CNBD1: variants seen among roughly 807,000 people sequenced by gnomAD.
CNBD1 encodes the protein cyclic nucleotide binding domain containing 1, also known as cyclic nucleotide-binding domain-containing protein 1.
Under a neutral mutation model 54.4 loss-of-function variants are expected in CNBD1, and 71 were observed. The ratio of observed to expected loss-of-function variants is 1.30; its 90% confidence interval spans 1.08 to 1.59. CNBD1 has a LOEUF of 1.59. Ranked by LOEUF, CNBD1 falls within the 40% of genes most tolerant of loss-of-function variation. The pLI is 0.00. For synonymous variants in CNBD1, 182 were observed against 170.7 expected, an observed-to-expected ratio of 1.07 and a Z score of -0.51; for missense variants, 659 against 518.0, an observed-to-expected ratio of 1.27 and a Z score of -2.64.
chr8:87,362,753 C>A (rs979149074), intron 10 of CNBD1, among the ~76,000 whole-genome samples: 1 of 152,000 alleles, frequency 6.6e-6, no homozygotes, highest in Admixed American at 6.6e-5. Context: ...AATTTATATC[C>A]TTTTAGATAC....
intron 4 of CNBD1, among the ~76,000 whole-genome samples, chr8:86,958,340 A>C (rs575244385): frequency 6.6e-6 from 1 of 152,206 alleles, no homozygotes. Flanking sequence ...GTAGGTGTCT[A>C]TTAGGTCCTC....
intron 10 of CNBD1, among the ~76,000 whole-genome samples, chr8:87,365,294 G>A (rs1014989521): frequency 4.0e-5 from 6 of 151,838 alleles, no homozygotes; most frequent in South Asian, 2.1e-4. Context: ...CTTGTTGGCC[G>A]TGTGTATGCT....
In CNBD1 at chr8:87,182,613, G is replaced by A. The variant is rs528272050; in HGVS notation, c.432-23380G>A. On this transcript the variant is annotated intron_variant, in intron 4 of 10. Coordinates refer to ENST00000518476, the MANE Select transcript of CNBD1 (RefSeq NM_173538.3). The surrounding 1 kb of genome is among the most constrained non-coding windows in gnomAD (Gnocchi z 4.1). ...GACTGATACGAGATGGTATCTCATC[G>A]TGGTTTTGATTTGCATTTCTCTAAT... Among the ~76,000 whole-genome samples, 248 of 151,578 alleles carry A rather than the reference G, an allele frequency of 1.6e-3. No homozygotes were observed. The highest frequency in any genetic ancestry group is 2.7e-3 in the Non-Finnish European group (184 of 67,928).
chr8:87,368,045 G>A (rs28408168), intron 10 of CNBD1, among the ~76,000 whole-genome samples: 1,666 of 151,696 alleles, frequency 0.011, 39 homozygotes, highest in African/African-American at 0.038. Flanking sequence ...ACCTGTAGTC[G>A]CAGCTACTCA....
intron 5 of CNBD1, among the ~76,000 whole-genome samples, chr8:87,231,540 G>C (rs1189159700): frequency 6.6e-6 from 1 of 152,016 alleles, no homozygotes; most frequent in Non-Finnish European, 1.5e-5. Flanking sequence ...TGACTCATAG[G>C]GTTATAATAT....
chr8:87,232,897 T>A (rs1807473356), intron 5 of CNBD1, among the ~76,000 whole-genome samples: 1 of 152,132 alleles, frequency 6.6e-6, no homozygotes, highest in African/African-American at 2.4e-5. Flanking sequence ...TTTTCCGAAG[T>A]AATAGTATGT....
At position 87,148,184 on chromosome 8, in the gene CNBD1, G is replaced by A. The variant is rs756953963; in HGVS notation, c.432-57809G>A. Among the ~76,000 whole-genome samples the A allele has an allele frequency of 1.4e-4, 22 of 152,084 alleles. 1 individual carries two copies. The highest frequency in any genetic ancestry group is 2.0e-4 in the Admixed American group (3 of 15,260). On this transcript the variant is annotated intron_variant, in intron 4 of 10. Transcript: ENST00000518476. ...AAATTAAATTCATATAAATGATTCA[G>A]ATTTTTTACCTTCAACCTTGTCAGG...
chr8:87,226,141 A>AT (rs1204269755), intron 5 of CNBD1, among the ~76,000 whole-genome samples: 1 of 150,646 alleles, frequency 6.6e-6, no homozygotes, highest in Non-Finnish European at 1.5e-5. Context: ...TTTTTTCTTT[A>AT]TTAGTCTTGC....
chr8:87,212,182 G>A (rs1814113234), intron 5 of CNBD1, among the ~76,000 whole-genome samples: 1 of 152,066 alleles, frequency 6.6e-6, no homozygotes, highest in South Asian at 2.1e-4. Context: ...TGCAAGACTT[G>A]TACATTGAAA....
chr8:87,346,034 CT>C (rs1049241139), intron 8 of CNBD1, among the ~76,000 whole-genome samples: 2 of 150,384 alleles, frequency 1.3e-5, no homozygotes, highest in Non-Finnish European at 3.0e-5. Context: ...GTTTAATTTT[CT>C]TTTTTTTTCT....
intron 1 of CNBD1, among the ~76,000 whole-genome samples, chr8:86,870,237 G>A (rs960002402): frequency 3.9e-5 from 5 of 129,128 alleles, no homozygotes; most frequent in Non-Finnish European, 6.2e-5. Flanking sequence ...CGCCCAGGCT[G>A]GAGTGCAGTG....
chr8:87,029,378 G>A (rs1247763326), intron 4 of CNBD1, among the ~76,000 whole-genome samples: 3 of 152,084 alleles, frequency 2.0e-5, no homozygotes, highest in South Asian at 2.1e-4. Context: ...ATTTTCAAAG[G>A]CTTACTAATT....
intron 6 of CNBD1, among the ~76,000 whole-genome samples, chr8:87,254,016 G>A (rs904938278): frequency 2.6e-5 from 4 of 152,178 alleles, no homozygotes; most frequent in Non-Finnish European, 5.9e-5. Context: ...TAGATTGCAA[G>A]TTTTAGATTA....
intron 4 of CNBD1, among the ~76,000 whole-genome samples, chr8:87,021,329 T>G (rs991901828): frequency 1.3e-5 from 2 of 152,242 alleles, no homozygotes; most frequent in African/African-American, 2.4e-5. Flanking sequence ...CAGTAAATTT[T>G]CTCATTGTCT....
At chr8:87,303,961 G>A (rs76146561) in intron 8 of CNBD1, among the ~76,000 whole-genome samples, 42,356 of 151,578 alleles carry the variant, frequency 0.28, 6,559 homozygotes, top group Middle Eastern at 0.4. Flanking sequence ...CAGTTAGAAT[G>A]TCGATCATTA....
At chr8:87,367,344 C>T (rs372912255) in intron 10 of CNBD1, among the ~76,000 whole-genome samples, 2 of 152,138 alleles carry the variant, frequency 1.3e-5, no homozygotes, top group East Asian at 3.9e-4. Flanking sequence ...TAAAGCTCTC[C>T]AGGTGGGCTT....
chr8:87,113,676 T>C (rs1354280905), intron 4 of CNBD1, among the ~76,000 whole-genome samples: 1 of 152,132 alleles, frequency 6.6e-6, no homozygotes, highest in Non-Finnish European at 1.5e-5. Flanking sequence ...TCCCAGCACT[T>C]TGGGAGGCCC....
At chr8:87,027,109 A>C (rs758013985) in intron 4 of CNBD1, among the ~76,000 whole-genome samples, 4 of 152,124 alleles carry the variant, frequency 2.6e-5, no homozygotes, top group Non-Finnish European at 4.4e-5. Context: ...AATTTGGTAA[A>C]CGCAATATAT....
chr8:87,139,704 G>A (rs1371334338), intron 4 of CNBD1, among the ~76,000 whole-genome samples: 1 of 152,104 alleles, frequency 6.6e-6, no homozygotes, highest in Non-Finnish European at 1.5e-5. Flanking sequence ...CCAAGCCGAA[G>A]GACCGGAAGA....
Sources: gnomAD v4.1 joint callset for allele counts (sites outside exome capture counted in the v4.1 genomes callset) on GRCh38, gnomAD v4.1.1 for gene constraint, Gnocchi (gnomAD v3.1) non-coding constraint, MANE v1.5 for transcripts, NCBI Gene and HGNC (gene_info 2026-07-23, HGNC 2026-07-21) for gene names.